Variants in HDAC4 observed in about 807,000 individuals in gnomAD.
HDAC4 encodes histone deacetylase 4, also known as histone deacetylase A.
HDAC4 carries 16 observed loss-of-function variants against 135.1 expected under a neutral mutation model. That is an observed-to-expected ratio of 0.12 (90% CI 0.08 to 0.18). The LOEUF is 0.18. Among genes scored for constraint, HDAC4 ranks in the 10% least tolerant of loss-of-function variants. The pLI, the probability that HDAC4 is intolerant of heterozygous loss-of-function variation, is 1.00. For missense variants in HDAC4, 1,143 were observed against 1,511.8 expected, an observed-to-expected ratio of 0.76 and a Z score of 4.05; for synonymous variants, 685 against 653.4, an observed-to-expected ratio of 1.05 and a Z score of -0.74.
chr2:239,295,779 T>A (rs190075457), intron 2 of HDAC4, among the ~76,000 whole-genome samples: 4 of 152,258 alleles, frequency 2.6e-5, no homozygotes, highest in African/African-American at 9.6e-5. Flanking sequence ...ACCAATGACT[T>A]TTGCACAAAC....
intron 18 of HDAC4, 40 bp from the exon 19 acceptor site, chr2:239,087,654 GAC>G (rs1190573863): frequency 1.3e-6 from 2 of 1,592,466 alleles, no homozygotes; most frequent in East Asian, 4.5e-5. Flanking sequence ...AGCAACAAAA[GAC>G]ACACTTTGTA....
At chr2:239,160,690 C>T (rs914159139) in intron 6 of HDAC4, among the ~76,000 whole-genome samples, 3 of 152,192 alleles carry the variant, frequency 2.0e-5, no homozygotes, top group East Asian at 1.9e-4. Context: ...CCAGTTTGCA[C>T]GGTAGCGTGT....
At chr2:239,305,607 T>G (rs1455748053) in intron 2 of HDAC4, 3 of 152,674 alleles carry the variant, frequency 2.0e-5, no homozygotes, top group Non-Finnish European at 2.9e-5. Context: ...ATTTTAATGG[T>G]GAAATAAGTT....
chr2:239,354,526 T>C (rs1046852769), intron 1 of HDAC4, among the ~76,000 whole-genome samples: 3 of 151,710 alleles, frequency 2.0e-5, no homozygotes, highest in Non-Finnish European at 4.4e-5. Flanking sequence ...TTTAAAAGTG[T>C]GACCAATTCC....
intron 3 of HDAC4, among the ~76,000 whole-genome samples, chr2:239,192,690 T>C (rs1364466110): frequency 1.3e-5 from 2 of 152,204 alleles, no homozygotes; most frequent in Non-Finnish European, 2.9e-5. Context: ...TCTTCCGCGT[T>C]CATGGCTGTG....
chr2:239,282,503 T>C (rs532203177), intron 2 of HDAC4, among the ~76,000 whole-genome samples: 8 of 140,018 alleles, frequency 5.7e-5, no homozygotes, highest in Admixed American at 2.9e-4. Context: ...AACATACCAC[T>C]CTACAATGTA....
intron 26 of HDAC4, 116 bp downstream of exon 26, chr2:239,053,344 T>C: frequency 7.0e-7 from 1 of 1,431,974 alleles, no homozygotes. Flanking sequence ...CACACTGGCC[T>C]GTCTCTAGTC....
chr2:239,378,791 G>A (rs950104968), intron 1 of HDAC4, among the ~76,000 whole-genome samples: 3 of 152,204 alleles, frequency 2.0e-5, no homozygotes, highest in Non-Finnish European at 4.4e-5. Flanking sequence ...GTTCACTTGA[G>A]GGATCCATGC....
At chr2:239,202,964 G>A (rs993033478) in intron 3 of HDAC4, among the ~76,000 whole-genome samples, 5 of 152,156 alleles carry the variant, frequency 3.3e-5, no homozygotes, top group Admixed American at 1.3e-4. Flanking sequence ...CAGACTGATC[G>A]CCGCACCTGG....
chr2:239,143,369 C>T (rs187829236), intron 8 of HDAC4, among the ~76,000 whole-genome samples: 1 of 152,318 alleles, frequency 6.6e-6, no homozygotes, highest in Non-Finnish European at 1.5e-5. Flanking sequence ...AAGCTTTTAA[C>T]TCACATGATT....
intron 1 of HDAC4, among the ~76,000 whole-genome samples, chr2:239,377,898 G>A (rs1222333918): frequency 6.6e-6 from 1 of 152,106 alleles, no homozygotes; most frequent in Non-Finnish European, 1.5e-5. Context: ...TGCCACAGGG[G>A]GAGCGCCCCA....
intron 2 of HDAC4, among the ~76,000 whole-genome samples, chr2:239,273,120 C>G (rs1245352643): frequency 6.6e-6 from 1 of 152,150 alleles, no homozygotes; most frequent in African/African-American, 2.4e-5. Flanking sequence ...GAGGGATTAT[C>G]AGATAAATTC....
At chr2:239,100,739 A>T (rs938199255) in intron 16 of HDAC4, among the ~76,000 whole-genome samples, 1 of 152,120 alleles carries the variant, frequency 6.6e-6, no homozygotes, top group Non-Finnish European at 1.5e-5. Context: ...GGGCTGGTCA[A>T]ATCCACAGAG....
intron 24 of HDAC4, among the ~76,000 whole-genome samples, chr2:239,065,084 C>T (rs886151214): frequency 3.9e-5 from 6 of 152,336 alleles, no homozygotes; most frequent in Admixed American, 6.5e-5. Flanking sequence ...GCACGGCACC[C>T]GGACCGTCCT....
chr2:239,230,437 A>G (rs185954291), intron 3 of HDAC4, among the ~76,000 whole-genome samples: 337 of 150,630 alleles, frequency 2.2e-3, no homozygotes, highest in Non-Finnish European at 3.7e-3. Context: ...GTCCTGGCCA[A>G]TCCTTGCCCG....
At chr2:239,191,990 G>C (rs959973719) in intron 3 of HDAC4, among the ~76,000 whole-genome samples, 4 of 152,212 alleles carry the variant, frequency 2.6e-5, no homozygotes, top group African/African-American at 9.6e-5. Context: ...GACTGTTTCT[G>C]TTTCTTTCCC....
chr2:239,054,885 C>A, intron 24 of HDAC4, 52 bp from the exon 25 acceptor site: 1 of 1,221,228 alleles, frequency 8.2e-7, no homozygotes. Context: ...TCCACACGTG[C>A]GTTAGACGGG....
rs181217257 is a variant in HDAC4, at chr2:239,067,423, C to T, written c.2870-568G>A. Among the ~76,000 whole-genome samples, 202 of 152,278 alleles carry T rather than the reference C, an allele frequency of 1.3e-3. 1 individual carries two copies. The highest frequency in any genetic ancestry group is 2.1e-3 in the Non-Finnish European group (143 of 68,016). On this transcript the variant is annotated intron_variant, in intron 23 of 26. Coordinates refer to ENST00000543185, the MANE Select transcript of HDAC4 (RefSeq NM_001378414.1). The stretch of plus-strand genomic sequence containing the variant: ...CCAGGCCGGTGCTGATTAGAGAGCC[C>T]GGAACCACGCGCCGCTAATTAGTGG...
intron 2 of HDAC4, among the ~76,000 whole-genome samples, chr2:239,329,649 AT>A (rs1398961271): frequency 6.6e-6 from 1 of 152,126 alleles, no homozygotes; most frequent in Non-Finnish European, 1.5e-5. Context: ...GACACAGGTT[AT>A]TTATATTTAT....
Sources: allele counts gnomAD v4.1 joint callset (sites outside exome capture counted in the v4.1 genomes callset), GRCh38; gene constraint gnomAD v4.1.1; transcripts MANE v1.5; gene names NCBI Gene and HGNC (gene_info 2026-07-23, HGNC 2026-07-21).